PDLIM5: variants seen among roughly 807,000 people sequenced by gnomAD.
PDLIM5 encodes the protein PDZ and LIM domain 5.
Under a neutral mutation model 64.2 loss-of-function variants are expected in PDLIM5, and 34 were observed. The observed-to-expected ratio is 0.53, with a 90% confidence interval of 0.40 to 0.71. The LOEUF (loss-of-function observed/expected upper bound fraction) is 0.71, where lower values mean the gene tolerates loss of function less well. Among genes scored for constraint, PDLIM5 ranks in the 30% least tolerant of loss-of-function variants. The pLI is 0.00. For missense variants in PDLIM5, 683 were observed against 733.6 expected (o/e 0.93, Z 0.80); for synonymous variants, 253 against 269.1 (o/e 0.94, Z 0.59).
At chr4:94,659,827 C>T (rs915798285) in intron 11 of PDLIM5, among the ~76,000 whole-genome samples, 1 of 151,606 alleles carries the variant, frequency 6.6e-6, no homozygotes, top group South Asian at 2.1e-4. Context: ...CACGCCTGAC[C>T]AGTAATAGTT....
chr4:94,504,812 G>A (rs143011045), intron 2 of PDLIM5, among the ~76,000 whole-genome samples: 1 of 152,164 alleles, frequency 6.6e-6, no homozygotes, highest in East Asian at 1.9e-4. Context: ...TTTATTTTTG[G>A]AATGTTCTGA....
intron 2 of PDLIM5, among the ~76,000 whole-genome samples, chr4:94,479,489 G>A (rs556032826): frequency 7.5e-4 from 113 of 151,454 alleles, no homozygotes; most frequent in Middle Eastern, 6.8e-3. Context: ...CACCATGCCC[G>A]GCTGATTTTT....
chr4:94,644,379 A>G (rs1045282167), intron 9 of PDLIM5, among the ~76,000 whole-genome samples: 16 of 152,232 alleles, frequency 1.1e-4, no homozygotes, highest in South Asian at 4.1e-4. Context: ...TGTTTATAGT[A>G]TCATATGAAT....
intron 2 of PDLIM5, among the ~76,000 whole-genome samples, chr4:94,459,307 A>G: frequency 6.6e-6 from 1 of 152,196 alleles, no homozygotes; most frequent in Non-Finnish European, 1.5e-5. Context: ...AATTCTCTGT[A>G]AACACATTTT....
chr4:94,470,519 A>G (rs905363231), intron 2 of PDLIM5, among the ~76,000 whole-genome samples: 7 of 152,228 alleles, frequency 4.6e-5, no homozygotes, highest in Non-Finnish European at 1.0e-4. Context: ...TTTAAAAAGA[A>G]TATTTTAGCC....
chr4:94,467,140 A>G (rs1327931290), intron 2 of PDLIM5, among the ~76,000 whole-genome samples: 3 of 152,214 alleles, frequency 2.0e-5, no homozygotes, highest in Non-Finnish European at 2.9e-5. Flanking sequence ...TTATCACTCA[A>G]GAAAACCCCC....
intron 2 of PDLIM5, among the ~76,000 whole-genome samples, chr4:94,458,941 G>A (rs571486444): frequency 6.0e-4 from 91 of 152,276 alleles, no homozygotes; most frequent in Non-Finnish European, 9.7e-4. Context: ...ATGATCACAT[G>A]TCATTTAATT....
At chr4:94,657,074 A>G (rs577329027) in intron 10 of PDLIM5, among the ~76,000 whole-genome samples, 1 of 152,196 alleles carries the variant, frequency 6.6e-6, no homozygotes. Context: ...TTGGTAAGTT[A>G]ATGTTTCCTG....
chr4:94,565,795 C>T (rs900735860), intron 3 of PDLIM5, among the ~76,000 whole-genome samples: 5 of 152,172 alleles, frequency 3.3e-5, no homozygotes, highest in Non-Finnish European at 7.4e-5. Flanking sequence ...ACTTACTGAA[C>T]TTTCACTGGG....
chr4:94,585,837 G>A (rs1411919184), intron 6 of PDLIM5, 100 bp downstream of exon 6: 1 of 893,758 alleles, frequency 1.1e-6, no homozygotes, highest in Admixed American at 2.2e-5. Flanking sequence ...CCCCGAGACA[G>A]TTTGCTTTTA....
At chr4:94,527,275 T>G (rs572376294) in intron 3 of PDLIM5, among the ~76,000 whole-genome samples, 1 of 151,252 alleles carries the variant, frequency 6.6e-6, no homozygotes, top group East Asian at 2.0e-4. Context: ...CAGGATGGTC[T>G]TGATCTCTTG....
chr4:94,482,987 G>A (rs1726006891), intron 2 of PDLIM5, among the ~76,000 whole-genome samples: 1 of 152,050 alleles, frequency 6.6e-6, no homozygotes, highest in Non-Finnish European at 1.5e-5. Flanking sequence ...TTTATTCCTT[G>A]GTGAATTTAT....
At chr4:94,453,465 G>A (rs567230349) in intron 1 of PDLIM5, among the ~76,000 whole-genome samples, 1 of 152,260 alleles carries the variant, frequency 6.6e-6, no homozygotes, top group East Asian at 1.9e-4. Context: ...AGTTAGGAAG[G>A]GAATCCCCAA....
intron 5 of PDLIM5, among the ~76,000 whole-genome samples, chr4:94,576,351 C>T (rs955573697): frequency 9.2e-5 from 14 of 152,132 alleles, no homozygotes; most frequent in Admixed American, 4.6e-4. Context: ...AATCTTTCTT[C>T]CTCAATTTTT....
intron 3 of PDLIM5, among the ~76,000 whole-genome samples, chr4:94,562,015 TG>T (rs1306075943): frequency 3.9e-5 from 6 of 152,234 alleles, no homozygotes; most frequent in African/African-American, 1.2e-4. Context: ...ATTGTGTTGT[TG>T]GTAGATCTGC....
chr4:94,640,455 G>C lies in PDLIM5; in HGVS notation c.1283+5G>C. 2 of 1,520,782 alleles carry C rather than the reference G, an allele frequency of 1.3e-6. No homozygotes were observed. The highest frequency in any genetic ancestry group is 1.8e-6 in the Non-Finnish European group (2 of 1,131,870). The allele number at this position is 1,520,782 out of a possible 1,614,324, so 94.2% of individuals were successfully genotyped here. A position where few individuals can be genotyped will look rare whatever the true frequency, so the allele number is the denominator to read the frequency against. On this transcript the variant is annotated splice_donor_5th_base_variant and intron_variant, in intron 9 of 12. Coordinates refer to ENST00000317968, the MANE Select transcript of PDLIM5 (RefSeq NM_006457.5). ...CCATTGTAACCAGGTCATCAGGTTGGTTGTTTTTTGAAATTTTCTTGAAAG... is the reference window on the plus strand; with the variant it reads ...CCATTGTAACCAGGTCATCAGGTTGCTTGTTTTTTGAAATTTTCTTGAAAG...
Position 94,465,295 on chromosome 4 carries a change from G to A in PDLIM5, c.96+9911G>A, listed in dbSNP as rs193268648. On this transcript the variant is annotated intron_variant, in intron 2 of 12. Transcript: ENST00000317968. ...ATGATAATAATGAAAATATGCTAAC[G>A]TTTATTGATCCCTTGTTACTGTTTG... Among the ~76,000 whole-genome samples the A allele has an allele frequency of 1.6e-3, 247 of 152,124 alleles. 1 individual carries two copies. The highest frequency in any genetic ancestry group is 2.0e-3 in the Non-Finnish European group (136 of 68,000).
At chr4:94,484,756 C>T (rs1726164432) in intron 2 of PDLIM5, among the ~76,000 whole-genome samples, 1 of 152,138 alleles carries the variant, frequency 6.6e-6, no homozygotes, top group South Asian at 2.1e-4. Context: ...TATTTACTGC[C>T]TTAGCTATAT....
chr4:94,564,944 C>T (rs1444091336), intron 3 of PDLIM5, among the ~76,000 whole-genome samples: 1 of 152,190 alleles, frequency 6.6e-6, no homozygotes, highest in African/African-American at 2.4e-5. Flanking sequence ...GCATGAGCCG[C>T]CACGCCCAGC....
Sources: gnomAD v4.1 joint callset for allele counts (sites outside exome capture counted in the v4.1 genomes callset) on GRCh38, gnomAD v4.1.1 for gene constraint, MANE v1.5 for transcripts, NCBI Gene and HGNC (gene_info 2026-07-23, HGNC 2026-07-21) for gene names.